Variants in GALNTL6 observed in about 807,000 individuals in gnomAD.
GALNTL6 encodes polypeptide N-acetylgalactosaminyltransferase like 6.
Under a neutral mutation model 73.7 loss-of-function variants are expected in GALNTL6, and 46 were observed. That is an observed-to-expected ratio of 0.62 (90% CI 0.49 to 0.80). The LOEUF is 0.80. GALNTL6 is among the 30% of genes least tolerant of loss of function. The probability of loss-of-function intolerance (pLI) is 0.00; values close to 1 mark genes in which losing one functional copy is unlikely to be tolerated. For missense variants in GALNTL6, 604 were observed against 755.0 expected, an observed-to-expected ratio of 0.80 and a Z score of 2.34; for synonymous variants, 259 against 263.7, an observed-to-expected ratio of 0.98 and a Z score of 0.17.
intron 4 of GALNTL6, among the ~76,000 whole-genome samples, chr4:172,346,458 T>C (rs957824727): frequency 2.6e-5 from 4 of 152,232 alleles, no homozygotes; most frequent in Non-Finnish European, 4.4e-5. Context: ...TACCAAGTCG[T>C]GTGAATTCTC....
intron 5 of GALNTL6, among the ~76,000 whole-genome samples, chr4:172,651,256 T>C (rs1740463536): frequency 6.6e-6 from 1 of 152,196 alleles, no homozygotes; most frequent in African/African-American, 2.4e-5. Flanking sequence ...TGTTGGACTT[T>C]GACTTAATTA....
chr4:171,926,943 C>T (rs536084189), intron 2 of GALNTL6, among the ~76,000 whole-genome samples: 1 of 152,030 alleles, frequency 6.6e-6, no homozygotes, highest in Admixed American at 6.6e-5. Flanking sequence ...TTTTAATCCG[C>T]CCTTAAAGAT....
chr4:172,183,526 A>G (rs1462560163), intron 2 of GALNTL6, among the ~76,000 whole-genome samples: 1 of 152,174 alleles, frequency 6.6e-6, no homozygotes, highest in African/African-American at 2.4e-5. Flanking sequence ...TGATTCAACA[A>G]TGTAGGCAAG....
At chr4:172,099,438 C>A (rs1210955838) in intron 2 of GALNTL6, among the ~76,000 whole-genome samples, 1 of 152,148 alleles carries the variant, frequency 6.6e-6, no homozygotes. Flanking sequence ...CCTTAAAGAA[C>A]TGAAGGTCCT....
chr4:172,558,989 T>G (rs1318123714), intron 5 of GALNTL6, among the ~76,000 whole-genome samples: 1 of 151,342 alleles, frequency 6.6e-6, no homozygotes, highest in African/African-American at 2.4e-5. Flanking sequence ...TGTTTGAGAT[T>G]TTAGAATTAA....
At chr4:172,612,243 G>A (rs1738552357) in intron 5 of GALNTL6, among the ~76,000 whole-genome samples, 1 of 152,020 alleles carries the variant, frequency 6.6e-6, no homozygotes, top group Non-Finnish European at 1.5e-5. Context: ...TGACCAGTAA[G>A]TTGAAAACAA....
chr4:172,472,196 G>T (rs575591249), intron 5 of GALNTL6, among the ~76,000 whole-genome samples: 2 of 152,198 alleles, frequency 1.3e-5, no homozygotes, highest in African/African-American at 4.8e-5. Flanking sequence ...GAGTTGCATG[G>T]GTCACTCAAT....
chr4:172,429,920 A>T (rs1179909858), intron 5 of GALNTL6, among the ~76,000 whole-genome samples: 1 of 152,150 alleles, frequency 6.6e-6, no homozygotes, highest in African/African-American at 2.4e-5. Flanking sequence ...GCCTTTGCTT[A>T]TCTCAGAAAT....
chr4:172,609,585 A>T (rs1738438603), intron 5 of GALNTL6, among the ~76,000 whole-genome samples: 1 of 147,434 alleles, frequency 6.8e-6, no homozygotes. Flanking sequence ...TTCATCAAGG[A>T]TATTGGCCTG....
At chr4:171,921,395 T>A (rs1380046689) in intron 2 of GALNTL6, among the ~76,000 whole-genome samples, 1 of 152,076 alleles carries the variant, frequency 6.6e-6, no homozygotes, top group African/African-American at 2.4e-5. Context: ...ACCTTGTACC[T>A]ATGCAGTGTG....
chr4:172,327,615 G>T (rs1033733582), intron 4 of GALNTL6, among the ~76,000 whole-genome samples: 12 of 152,068 alleles, frequency 7.9e-5, no homozygotes, highest in African/African-American at 2.7e-4. Context: ...CTTGGTTGTT[G>T]TTGAATTGAA....
chr4:172,569,000 G>A lies in GALNTL6; in HGVS notation c.553+220311G>A, dbSNP rs562432384. On this transcript the variant is annotated intron_variant, in intron 5 of 12. Transcript: ENST00000506823. ...AATTCTTCTTCCAGTGTGGCCCAGGGAAGCCAAAAAATTGGACGCTCTTCA... is the reference window on the plus strand; with the variant it reads ...AATTCTTCTTCCAGTGTGGCCCAGGAAAGCCAAAAAATTGGACGCTCTTCA... Among the ~76,000 whole-genome samples, 4 of 151,616 alleles carry A rather than the reference G, an allele frequency of 2.6e-5. No homozygotes were observed. The South Asian group carries it at 8.4e-4, about 32-fold the overall frequency.
intron 2 of GALNTL6, among the ~76,000 whole-genome samples, chr4:172,036,695 T>C (rs1193818488): frequency 6.6e-6 from 1 of 152,124 alleles, no homozygotes; most frequent in East Asian, 1.9e-4. Flanking sequence ...CAGGCAGTCA[T>C]AGTCGTATAG....
intron 5 of GALNTL6, among the ~76,000 whole-genome samples, chr4:172,641,961 A>T (rs1740003241): frequency 6.6e-6 from 1 of 152,120 alleles, no homozygotes. Flanking sequence ...CAAAGGGCCA[A>T]CAGGTATATG....
intron 2 of GALNTL6, among the ~76,000 whole-genome samples, chr4:172,060,389 A>G (rs1169283118): frequency 6.6e-6 from 1 of 152,190 alleles, no homozygotes; most frequent in Non-Finnish European, 1.5e-5. Context: ...TTGATAATGC[A>G]TACGCATGAA....
intron 4 of GALNTL6, among the ~76,000 whole-genome samples, chr4:172,337,165 C>T (rs1046321578): frequency 2.0e-5 from 3 of 152,014 alleles, no homozygotes; most frequent in African/African-American, 7.2e-5. Flanking sequence ...GGTATCCTTA[C>T]ATTTAAGATG....
chr4:172,867,450 C>T (rs192288572), intron 7 of GALNTL6, among the ~76,000 whole-genome samples: 1 of 152,200 alleles, frequency 6.6e-6, no homozygotes, highest in African/African-American at 2.4e-5. Flanking sequence ...CTCTATCCTT[C>T]TGCATCAGGG....
intron 5 of GALNTL6, among the ~76,000 whole-genome samples, chr4:172,655,677 T>A (rs1189859788): frequency 6.6e-6 from 1 of 152,196 alleles, no homozygotes; most frequent in Non-Finnish European, 1.5e-5. Flanking sequence ...TATGTCAAAT[T>A]TTCTACATTA....
At chr4:172,264,038 TA>T (rs1554008424) in intron 3 of GALNTL6, among the ~76,000 whole-genome samples, 1 of 151,040 alleles carries the variant, frequency 6.6e-6, no homozygotes, top group Non-Finnish European at 1.5e-5. Flanking sequence ...CTACATTTTT[TA>T]TGTTATTTTT....
Sources: gnomAD v4.1 joint callset for allele counts (sites outside exome capture counted in the v4.1 genomes callset) on GRCh38, gnomAD v4.1.1 for gene constraint, MANE v1.5 for transcripts, NCBI Gene and HGNC (gene_info 2026-07-23, HGNC 2026-07-21) for gene names.